The following RBFOX1 variants were observed in gnomAD, a reference collection of about 807,000 sequenced individuals.
RBFOX1 encodes RNA binding fox-1 homolog 1, also known as RNA binding protein fox-1 homolog 1.
A neutral mutation model predicts 57.7 loss-of-function variants in RBFOX1; 8 were observed. The ratio of observed to expected loss-of-function variants is 0.14; its 90% CI spans 0.08 to 0.25. The LOEUF (loss-of-function observed/expected upper bound fraction) is 0.25. Ranked by LOEUF, RBFOX1 falls within the 10% of genes least tolerant of loss-of-function variation. The pLI, the probability that RBFOX1 is intolerant of heterozygous loss-of-function variation, is 1.00. For missense variants in RBFOX1, 611 were observed against 548.5 expected (o/e 1.11, Z -1.14); for synonymous variants, 326 against 222.4 (o/e 1.47, Z -4.15).
At chr16:7,072,276 T>C (rs1440827543) in intron 4 of RBFOX1, among the ~76,000 whole-genome samples, 1 of 152,246 alleles carries the variant, frequency 6.6e-6, no homozygotes, top group Non-Finnish European at 1.5e-5. Context: ...AAGAGCTTAA[T>C]TAATGCTACT....
intron 4 of RBFOX1, among the ~76,000 whole-genome samples, chr16:7,085,111 GTGTT>G (rs2059791095): frequency 6.6e-6 from 1 of 152,126 alleles, no homozygotes; most frequent in Non-Finnish European, 1.5e-5. Context: ...GTGTGTGTGT[GTGTT>G]TGTGTGTGTA....
intron 3 of RBFOX1, among the ~76,000 whole-genome samples, chr16:6,759,870 C>T (rs1017078272): frequency 2.0e-5 from 3 of 152,068 alleles, no homozygotes; most frequent in Non-Finnish European, 4.4e-5. Flanking sequence ...CCTATAACAG[C>T]GAACTGATGA....
chr16:7,301,458 AG>A (rs932663977), intron 4 of RBFOX1, among the ~76,000 whole-genome samples: 106 of 152,302 alleles, frequency 7.0e-4, no homozygotes, highest in African/African-American at 2.2e-3. Context: ...CTTAAGTTTA[AG>A]GGAATGTCAG....
At chr16:7,258,739 T>C (rs1160728547) in intron 4 of RBFOX1, among the ~76,000 whole-genome samples, 1 of 152,210 alleles carries the variant, frequency 6.6e-6, no homozygotes, top group Admixed American at 6.5e-5. Flanking sequence ...GTCTCCCCAT[T>C]ACTAACCTCA....
intron 9 of RBFOX1, among the ~76,000 whole-genome samples, chr16:7,602,507 C>T (rs8052342): frequency 0.015 from 2,358 of 152,264 alleles, 60 homozygotes; most frequent in African/African-American, 0.053. Context: ...TGGGGACATA[C>T]ACAAACTGCC....
chr16:7,199,099 A>G (rs975875709), intron 4 of RBFOX1, among the ~76,000 whole-genome samples: 1 of 152,196 alleles, frequency 6.6e-6, no homozygotes, highest in Non-Finnish European at 1.5e-5. Context: ...CCAGAGGAAG[A>G]ACACAGGCTG....
chr16:6,575,131 G>C (rs1325305073), intron 2 of RBFOX1, among the ~76,000 whole-genome samples: 2 of 151,762 alleles, frequency 1.3e-5, no homozygotes, highest in Non-Finnish European at 2.9e-5. Flanking sequence ...AAGGCGACAG[G>C]ACAGATTACG....
intron 1 of RBFOX1, among the ~76,000 whole-genome samples, chr16:6,106,052 G>C (rs1432263940): frequency 1.3e-5 from 2 of 151,988 alleles, no homozygotes; most frequent in Non-Finnish European, 2.9e-5. Context: ...AGTAGAGATG[G>C]CTGAGCACTT....
At chr16:6,089,216 A>G (rs912250595) in intron 1 of RBFOX1, among the ~76,000 whole-genome samples, 2 of 152,114 alleles carry the variant, frequency 1.3e-5, no homozygotes, top group African/African-American at 4.8e-5. Context: ...CCAGGAGAAC[A>G]AAGGAGGTAG....
At chr16:6,139,371 G>A (rs8062168) in intron 1 of RBFOX1, among the ~76,000 whole-genome samples, 61 of 152,270 alleles carry the variant, frequency 4.0e-4, no homozygotes, top group African/African-American at 1.4e-3. Flanking sequence ...CTTTCTGGCT[G>A]TGTGGTCTTG....
At chr16:6,969,410 A>G (rs945796695) in intron 3 of RBFOX1, among the ~76,000 whole-genome samples, 1 of 150,272 alleles carries the variant, frequency 6.7e-6, no homozygotes, top group African/African-American at 2.5e-5. Context: ...ATATTTCACA[A>G]TGAATAATTG....
chr16:6,848,848 C>T (rs2093910219), intron 3 of RBFOX1, among the ~76,000 whole-genome samples: 1 of 152,030 alleles, frequency 6.6e-6, no homozygotes, highest in African/African-American at 2.4e-5. Context: ...GGATAATGAC[C>T]CAAATTCACT....
chr16:6,815,285 C>A (rs996983469), intron 3 of RBFOX1, among the ~76,000 whole-genome samples: 1 of 152,082 alleles, frequency 6.6e-6, no homozygotes, highest in African/African-American at 2.4e-5. Flanking sequence ...ACTTCTTTGC[C>A]ACTTGCTATT....
intron 1 of RBFOX1, among the ~76,000 whole-genome samples, chr16:6,288,512 T>C (rs1459067476): frequency 1.3e-5 from 2 of 152,186 alleles, no homozygotes; most frequent in African/African-American, 4.8e-5. Context: ...CATGATTTTG[T>C]GACAAACCAC....
chr16:6,479,143 T>C (rs1445245804), intron 2 of RBFOX1, among the ~76,000 whole-genome samples: 1 of 152,224 alleles, frequency 6.6e-6, no homozygotes, highest in Non-Finnish European at 1.5e-5. Context: ...TTTCATACTG[T>C]ATTAGTCCGT....
At chr16:7,230,695 C>G (rs140588413) in intron 4 of RBFOX1, among the ~76,000 whole-genome samples, 146 of 152,304 alleles carry the variant, frequency 9.6e-4, no homozygotes, top group Middle Eastern at 3.4e-3. Flanking sequence ...GGGAGAGCCA[C>G]TTGGAGTTGA....
chr16:7,528,734 T>G (rs1212822471), intron 5 of RBFOX1, among the ~76,000 whole-genome samples: 1 of 152,222 alleles, frequency 6.6e-6, no homozygotes, highest in East Asian at 1.9e-4. Context: ...CAACAGTCAT[T>G]TTATGCCCTT....
intron 2 of RBFOX1, among the ~76,000 whole-genome samples, chr16:5,529,802 A>G (rs1248334275): frequency 1.3e-5 from 2 of 152,074 alleles, no homozygotes; most frequent in African/African-American, 4.8e-5. Flanking sequence ...TCCTGACCTC[A>G]AGTGATCCAC....
At chr16:6,842,904 G>C (rs1021844711) in intron 3 of RBFOX1, among the ~76,000 whole-genome samples, 1 of 151,950 alleles carries the variant, frequency 6.6e-6, no homozygotes, top group Non-Finnish European at 1.5e-5. Context: ...TCCGACTTAT[G>C]AGTGAGAACA....
Sources: allele counts gnomAD v4.1 joint callset (sites outside exome capture counted in the v4.1 genomes callset), GRCh38; gene constraint gnomAD v4.1.1; transcripts MANE v1.5; gene names NCBI Gene and HGNC (gene_info 2026-07-23, HGNC 2026-07-21).